Variants in TBC1D13 observed in about 807,000 individuals in gnomAD.
TBC1D13 encodes TBC1 domain family member 13, also known as epididymis secretory sperm binding protein.
Under a neutral mutation model 53.6 loss-of-function variants are expected in TBC1D13, and 40 were observed. The ratio of observed to expected loss-of-function variants is 0.75; its 90% confidence interval spans 0.58 to 0.97. TBC1D13 has a LOEUF of 0.97. Among genes scored for constraint, TBC1D13 ranks in the 50% least tolerant of loss-of-function variants. The pLI is 0.00. For synonymous variants in TBC1D13, 182 were observed against 197.7 expected, an observed-to-expected ratio of 0.92 and a Z score of 0.67; for missense variants, 377 against 499.4, an observed-to-expected ratio of 0.75 and a Z score of 2.34.
intron 7 of TBC1D13, among the ~76,000 whole-genome samples, chr9:128,798,778 A>G (rs1398155328): frequency 2.0e-5 from 3 of 152,346 alleles, no homozygotes; most frequent in African/African-American, 4.8e-5. Flanking sequence ...TCTTCCATCA[A>G]TGGAAAAACC....
chr9:128,805,392 T>C (rs922608790), intron 9 of TBC1D13, among the ~76,000 whole-genome samples: 2 of 152,210 alleles, frequency 1.3e-5, no homozygotes, highest in African/African-American at 4.8e-5. Flanking sequence ...TAATATTCAC[T>C]GTGGCTGACC....
chr9:128,787,365 G>A lies in TBC1D13; in HGVS notation c.12G>A (p.Leu4=). 7.9e-7 allele frequency: 1 copy of A among 1,260,002 alleles called. No homozygotes were observed. The allele number at this position is 1,260,002 out of a possible 1,614,324, so 78.1% of individuals were successfully genotyped here. A position where few individuals can be genotyped will look rare whatever the true frequency, so the allele number is the denominator to read the frequency against. The part of the protein sequence containing the change: MSS[L]HKSRIADFQD... The stretch of plus-strand genomic sequence containing the variant: ...CGGAAGTCAACACCATGTCAAGTCT[G>A]CACAAGAGCCGGTAAGGGGCCATGG... Residue 4 remains leucine, a synonymous_variant, in exon 1 of 12, where the codon CTG becomes CTA. Transcript: ENST00000372648.
intron 1 of TBC1D13, 90 bp downstream of exon 1, chr9:128,787,466 A>G (rs1208140589): frequency 8.3e-7 from 1 of 1,205,470 alleles, no homozygotes; most frequent in Non-Finnish European, 1.1e-6. Context: ...GGGTGTGGCC[A>G]GGAATCGGCA....
chr9:128,787,452 G>A lies in TBC1D13; in HGVS notation c.23+76G>A, dbSNP rs114380741. ...CCCTTCTGCCCCTCAGAAGGGGGAA[G>A]CGCGGGTGTGGCCAGGAATCGGCAG... On this transcript the variant is annotated intron_variant, in intron 1 of 11. Coordinates refer to ENST00000372648, the MANE Select transcript of TBC1D13 (RefSeq NM_018201.5). 1,193 of 1,237,886 alleles carry A rather than the reference G, an allele frequency of 9.6e-4. 9 individuals carry two copies. The African/African-American group carries it at 0.016, about 16-fold the overall frequency. The allele number at this position is 1,237,886 out of a possible 1,614,324, so 76.7% of individuals were successfully genotyped here.
chr9:128,787,987 C>T (rs1004478234), intron 1 of TBC1D13, among the ~76,000 whole-genome samples: 17 of 152,102 alleles, frequency 1.1e-4, no homozygotes, highest in African/African-American at 3.6e-4. Context: ...TGCGTGGACC[C>T]GGCCTGGCCG....
In TBC1D13 at chr9:128,787,346, T is replaced by C. The variant is rs1829435885; in HGVS notation, c.-8T>C. On this transcript the variant is annotated 5_prime_UTR_variant, in exon 1 of 12. Coordinates refer to ENST00000372648, the MANE Select transcript of TBC1D13 (RefSeq NM_018201.5). Reference sequence around the variant, plus strand: ...CGGAGGCGGCTGGGGGGTCCGGAAGTCAACACCATGTCAAGTCTGCACAAG... The same window carrying C: ...CGGAGGCGGCTGGGGGGTCCGGAAGCCAACACCATGTCAAGTCTGCACAAG... 3.2e-6 allele frequency: 4 copies of C among 1,260,754 alleles called. No homozygotes were observed. The highest frequency in any genetic ancestry group is 1.5e-5 in the African/African-American group (1 of 64,834). The allele number at this position is 1,260,754 out of a possible 1,614,324, so 78.1% of individuals were successfully genotyped here.
At chr9:128,791,820 C>G in intron 5 of TBC1D13, 127 bp downstream of exon 5, 2 of 741,492 alleles carry the variant, frequency 2.7e-6, no homozygotes, top group Non-Finnish European at 4.6e-6. Context: ...CTGGACCTCC[C>G]AGTTCCTCCT....
intron 11 of TBC1D13, among the ~76,000 whole-genome samples, chr9:128,807,243 C>T (rs969370919): frequency 1.1e-4 from 16 of 151,888 alleles, no homozygotes; most frequent in South Asian, 1.0e-3. Context: ...TGTGCCACCA[C>T]GTCTGGCTAA....
intron 3 of TBC1D13, 74 bp from the exon 4 acceptor site, chr9:128,791,306 C>A: frequency 7.3e-7 from 1 of 1,373,058 alleles, no homozygotes; most frequent in Admixed American, 1.7e-5. Context: ...TTTCTTGAGG[C>A]CTGTCATCCC....
intron 7 of TBC1D13, among the ~76,000 whole-genome samples, chr9:128,799,230 G>A (rs947114438): frequency 2.2e-4 from 33 of 152,150 alleles, no homozygotes; most frequent in African/African-American, 7.0e-4. Flanking sequence ...TCCTTTCACT[G>A]TAGTAACTAG....
Position 128,805,939 on chromosome 9 carries a change from C to T in TBC1D13, c.999C>T (p.Asp333=), listed in dbSNP as rs533914448. 2.0e-5 allele frequency: 33 copies of T among 1,614,210 alleles called. No homozygotes were observed. The highest frequency in any genetic ancestry group is 2.5e-5 in the Non-Finnish European group (30 of 1,180,046). ...TGTCCCAGGAGTTCTTGCTGCCTGA[C>T]GTCATCCGCATCTGGGACTCCCTCT... ...LLLSQEFLLP[D]VIRIWDSLFA... is the part of the protein sequence containing the mutation. The change falls in exon 10 of 12, where the codon GAC becomes GAT. Residue 333 remains aspartate, a synonymous_variant. Coordinates refer to ENST00000372648, the MANE Select transcript of TBC1D13 (RefSeq NM_018201.5).
intron 7 of TBC1D13, among the ~76,000 whole-genome samples, chr9:128,797,535 G>A (rs1168515544): frequency 6.6e-6 from 1 of 152,200 alleles, no homozygotes; most frequent in African/African-American, 2.4e-5. Flanking sequence ...GGGCACAGTG[G>A]TTCACGCCTG....
chr9:128,788,336 T>C lies in TBC1D13; in HGVS notation c.26T>C (p.Ile9Thr), dbSNP rs1829466835. 1.2e-6 allele frequency: 2 copies of C among 1,613,984 alleles called. No homozygotes were observed. Among genetic ancestry groups the C allele is most frequent in the Non-Finnish European group, 8.5e-7 (1 of 1,179,960 alleles). The change falls in exon 2 of 12, where the codon ATT becomes ACT. Residue 9 changes from isoleucine (I) to threonine (T), a missense_variant and splice_region_variant. Ile to Thr is a moderately conservative substitution (Grantham distance 89, BLOSUM62 -1). Transcript: ENST00000372648. MSSLHKSR[I>T]ADFQDVLKEP... ...TGCCGCCCTATCTCCCCTTCCAGAATTGCAGATTTCCAGGATGTCCTGAAG... is the reference window on the plus strand; with the variant it reads ...TGCCGCCCTATCTCCCCTTCCAGAACTGCAGATTTCCAGGATGTCCTGAAG...
At chr9:128,798,353 C>T (rs998644593) in intron 7 of TBC1D13, among the ~76,000 whole-genome samples, 5 of 151,774 alleles carry the variant, frequency 3.3e-5, no homozygotes, top group Non-Finnish European at 4.4e-5. Context: ...AGGGAGGCCA[C>T]GGGGTGGCTA....
intron 6 of TBC1D13, among the ~76,000 whole-genome samples, 155 bp downstream of exon 6, chr9:128,792,729 T>C (rs550110089): frequency 3.9e-5 from 6 of 152,248 alleles, no homozygotes; most frequent in African/African-American, 7.2e-5. Context: ...CTATTGATGA[T>C]AGGCTGAGAA....
rs181182852 is a variant in TBC1D13, at chr9:128,790,950, C to A, written c.138+175C>A. Among the ~76,000 whole-genome samples, 112 of 152,296 alleles carry A rather than the reference C, an allele frequency of 7.4e-4. No homozygotes were observed. In the Middle Eastern group the frequency reaches 0.014, roughly 19 times the overall value. On this transcript the variant is annotated intron_variant, in intron 3 of 11. Transcript: ENST00000372648. ...TCCTCTTGGTGTCTTCTCTGGGATC[C>A]CCTTGGGGATGGGACACTTTGTAAT...
intron 7 of TBC1D13, among the ~76,000 whole-genome samples, chr9:128,801,160 A>G (rs1350808196): frequency 1.3e-5 from 2 of 152,092 alleles, no homozygotes; most frequent in Non-Finnish European, 2.9e-5. Flanking sequence ...TGACAGAGCA[A>G]GACTCCATCT....
At chr9:128,790,339 C>T (rs1255570019) in intron 2 of TBC1D13, among the ~76,000 whole-genome samples, 1 of 148,308 alleles carries the variant, frequency 6.7e-6, no homozygotes, top group Non-Finnish European at 1.5e-5. Context: ...TTTGGGAGGC[C>T]GAAGTGGGGG....
Position 128,806,048 on chromosome 9 carries a change from T to G in TBC1D13, c.1079+29T>G, listed in dbSNP as rs1829826575. ...AGTGCGGGCATGAGCTGTCATCAGCTCACCTGGGCAGTCCTTGGAGAAGCC... is the reference window on the plus strand; with the variant it reads ...AGTGCGGGCATGAGCTGTCATCAGCGCACCTGGGCAGTCCTTGGAGAAGCC... On this transcript the variant is annotated intron_variant, in intron 10 of 11. Transcript: ENST00000372648. 3.7e-6 allele frequency: 6 copies of G among 1,607,460 alleles called. No homozygotes were observed. The East Asian group carries it at 1.3e-4, about 36-fold the overall frequency.
Sources: gnomAD v4.1 joint callset for allele counts (sites outside exome capture counted in the v4.1 genomes callset) on GRCh38, gnomAD v4.1.1 for gene constraint, MANE v1.5 for transcripts, NCBI Gene and HGNC (gene_info 2026-07-23, HGNC 2026-07-21) for gene names.